The following CLPX variants were observed in gnomAD, a reference collection of about 807,000 sequenced individuals.
The protein encoded by CLPX is caseinolytic mitochondrial matrix peptidase chaperone subunit X.
CLPX carries 34 observed loss-of-function variants against 76.4 expected under a neutral mutation model. The observed-to-expected ratio is 0.45, with a 90% CI of 0.34 to 0.59. The LOEUF (loss-of-function observed/expected upper bound fraction) is 0.59, where lower values mean the gene tolerates loss of function less well. Ranked by LOEUF, CLPX falls within the 20% of genes least tolerant of loss-of-function variation. The pLI, the probability that CLPX is intolerant of heterozygous loss-of-function variation, is 0.01. For synonymous variants in CLPX, 248 were observed against 270.9 expected, an observed-to-expected ratio of 0.92 and a Z score of 0.83; for missense variants, 613 against 757.0, an observed-to-expected ratio of 0.81 and a Z score of 2.23.
At chr15:65,158,926 GCA>G (rs1380994685) in intron 6 of CLPX, among the ~76,000 whole-genome samples, 175 bp from the exon 7 acceptor site, 1 of 152,078 alleles carries the variant, frequency 6.6e-6, no homozygotes, top group Non-Finnish European at 1.5e-5. Flanking sequence ...CAAACATATA[GCA>G]CACAATGATT....
chr15:65,159,785 C>T (rs1447905400), intron 6 of CLPX, among the ~76,000 whole-genome samples: 1 of 151,226 alleles, frequency 6.6e-6, no homozygotes, highest in Non-Finnish European at 1.5e-5. Context: ...TTTATATTTC[C>T]TGAATTTATT....
intron 1 of CLPX, among the ~76,000 whole-genome samples, chr15:65,183,460 CAAAAAAAAAAAAAA>C (rs61002905): frequency 2.0e-4 from 13 of 66,272 alleles, no homozygotes; most frequent in African/African-American, 6.9e-4. Context: ...GACTCTGTCT[CAAAAAAAAAAAAAA>C]AAAAAAAAGA....
chr15:65,179,562 A>C (rs1004608728), intron 2 of CLPX, among the ~76,000 whole-genome samples: 1 of 152,254 alleles, frequency 6.6e-6, no homozygotes, highest in Non-Finnish European at 1.5e-5. Context: ...AATGAAAAAA[A>C]CTGTTAAGTC....
intron 12 of CLPX, 36 bp from the exon 13 acceptor site, chr15:65,152,572 CAG>C (rs2087736103): frequency 8.6e-7 from 1 of 1,165,408 alleles, no homozygotes; most frequent in Non-Finnish European, 1.2e-6. Context: ...ACATTGAAAA[CAG>C]ATTACATACA....
chr15:65,154,616 C>A, intron 11 of CLPX, 166 bp downstream of exon 11: 1 of 579,614 alleles, frequency 1.7e-6, no homozygotes, highest in Non-Finnish European at 3.0e-6. Context: ...CTCCTAAATT[C>A]TAACATAATA....
Position 65,152,035 on chromosome 15 carries a change from T to G in CLPX, c.1811+395A>C, listed in dbSNP as rs576915270. On this transcript the variant is annotated intron_variant, in intron 13 of 13. Transcript: ENST00000300107. ...ACCTCCGCCTCCTAGGTTCAAGTGA[T>G]TCTCCTGCCTCAGCCTCCCGAGTAG... Among the ~76,000 whole-genome samples, 3 of 152,244 alleles carry G rather than the reference T, an allele frequency of 2.0e-5. No homozygotes were observed. The East Asian group carries it at 5.8e-4, about 29-fold the overall frequency.
chr15:65,161,342 T>C (rs970177847), intron 6 of CLPX, among the ~76,000 whole-genome samples: 8 of 152,230 alleles, frequency 5.3e-5, no homozygotes, highest in African/African-American at 1.7e-4. Context: ...ATTAATCTTA[T>C]TGTACATGAT....
intron 1 of CLPX, among the ~76,000 whole-genome samples, chr15:65,183,353 C>T (rs1289633538): frequency 1.3e-5 from 2 of 149,056 alleles, no homozygotes; most frequent in African/African-American, 5.0e-5. Context: ...CCCAGCTACT[C>T]GGGAGGCTGA....
At chr15:65,167,713 TA>T (rs753139026) in intron 3 of CLPX, among the ~76,000 whole-genome samples, 1,776 of 132,554 alleles carry the variant, frequency 0.013, 10 homozygotes, top group Middle Eastern at 0.023. Flanking sequence ...CCGTCTCTAC[TA>T]AAAAAAAAAA....
chr15:65,170,876 G>A (rs1266964057), intron 3 of CLPX, among the ~76,000 whole-genome samples: 1 of 141,116 alleles, frequency 7.1e-6, no homozygotes, highest in African/African-American at 2.6e-5. Context: ...AGACTGGAGT[G>A]CAGTGGCACG....
chr15:65,155,731 A>T lies in CLPX; in HGVS notation c.1272T>A (p.Asn424Lys). ...NILFVASGAF[N>K]GLDRIISRRK... The stretch of plus-strand genomic sequence containing the variant: ...TCCTGCTGATGATTCTGTCTAAACC[A>T]TTGAAAGCACCAGATGCCACAAACA... The change falls in exon 10 of 14, where the codon AAT becomes AAA. Residue 424 changes from asparagine (N) to lysine (K), a missense_variant. Physicochemically the swap from Asn to Lys is moderately conservative, Grantham distance 94. This residue lies in a region of CLPX where 450 missense variants were observed against 638.6 expected (regional missense o/e 0.70). Transcript: ENST00000300107. 1 of 1,614,080 alleles carries T rather than the reference A, an allele frequency of 6.2e-7. No individual in the cohort carries two copies. Among genetic ancestry groups the T allele is most frequent in the Non-Finnish European group, 8.5e-7 (1 of 1,179,988 alleles).
At chr15:65,172,058 C>T (rs939436470) in intron 3 of CLPX, among the ~76,000 whole-genome samples, 3 of 152,074 alleles carry the variant, frequency 2.0e-5, no homozygotes, top group African/African-American at 7.2e-5. Context: ...TGCAATGGCG[C>T]GATCTCAGCT....
At chr15:65,165,028 G>C (rs891203738) in intron 4 of CLPX, among the ~76,000 whole-genome samples, 1 of 152,040 alleles carries the variant, frequency 6.6e-6, no homozygotes, top group Non-Finnish European at 1.5e-5. Flanking sequence ...AAATGAAATG[G>C]TTGGTGAATT....
chr15:65,161,943 G>A (rs2087860902), intron 6 of CLPX, among the ~76,000 whole-genome samples: 1 of 152,028 alleles, frequency 6.6e-6, no homozygotes, highest in African/African-American at 2.4e-5. Context: ...TTCAAATAGT[G>A]GATATATAAT....
In CLPX at chr15:65,153,718, C is replaced by G. The variant is rs143874628; in HGVS notation, c.1612-79G>C. 1.7e-3 allele frequency: 1,288 copies of G among 774,432 alleles called. 8 individuals are homozygous for G. The highest frequency in any genetic ancestry group is 5.7e-3 in the Middle Eastern group (21 of 3,708). The allele number at this position is 774,432 out of a possible 1,614,324, so 48.0% of individuals were successfully genotyped here. A position where few individuals can be genotyped will look rare whatever the true frequency, so the allele number is the denominator to read the frequency against. On this transcript the variant is annotated intron_variant, in intron 11 of 13. Transcript: ENST00000300107. ...GAAAATGTACCATTAAGTGAGGGCA[C>G]AATTTCTCATGGTGTTTTGGAACCC...
intron 3 of CLPX, among the ~76,000 whole-genome samples, chr15:65,176,547 T>C (rs1286591474): frequency 6.6e-6 from 1 of 152,154 alleles, no homozygotes; most frequent in Admixed American, 6.6e-5. Flanking sequence ...TAAATATTAG[T>C]TTCTTTCCTT....
chr15:65,185,000 C>A, intron 1 of CLPX, 75 bp downstream of exon 1: 1 of 1,343,716 alleles, frequency 7.4e-7, no homozygotes, highest in South Asian at 1.3e-5. Context: ...GTGCCCTCCC[C>A]GGGGCCCCCA....
Position 65,180,112 on chromosome 15 carries a change from T to C in CLPX, c.172A>G (p.Thr58Ala), listed in dbSNP as rs1311098218. The C allele has an allele frequency of 6.2e-7, 1 of 1,613,060 alleles. No homozygotes were observed. The highest frequency in any genetic ancestry group is 8.5e-7 in the Non-Finnish European group (1 of 1,179,308). The part of the protein sequence containing the change: ...ILQRAPLRSF[T>A]ETPAYFASKD... ...GAGGCAAAGTATGCTGGTGTTTCTG[T>C]AAAGGATCTAAGAGGAGCTCTTTGC... The change falls in exon 2 of 14, where the codon ACA becomes GCA. Residue 58 changes from threonine (T) to alanine (A), a missense_variant. Thr to Ala is a moderately conservative substitution (Grantham distance 58). Coordinates refer to ENST00000300107, the MANE Select transcript of CLPX (RefSeq NM_006660.5).
intron 7 of CLPX, 120 bp from the exon 8 acceptor site, chr15:65,158,030 T>C: frequency 1.3e-6 from 1 of 764,534 alleles, no homozygotes; most frequent in East Asian, 3.0e-5. Context: ...GCTACATCCT[T>C]CCTCTGCTAT....
Sources: allele counts gnomAD v4.1 joint callset (sites outside exome capture counted in the v4.1 genomes callset), GRCh38; gene constraint gnomAD v4.1.1; regional missense constraint gnomAD v4.1.1; transcripts MANE v1.5; gene names NCBI Gene and HGNC (gene_info 2026-07-23, HGNC 2026-07-21).